CAMK2D: variants seen among roughly 807,000 people sequenced by gnomAD.
The protein encoded by CAMK2D is calcium/calmodulin-dependent protein kinase type II subunit delta.
In CAMK2D, 37 loss-of-function variants were observed where a neutral mutation model predicts 84.0. That is an observed-to-expected ratio of 0.44 (90% CI 0.34 to 0.58). CAMK2D has a LOEUF of 0.58. CAMK2D is among the 20% of genes least tolerant of loss of function. CAMK2D has a pLI of 0.02. For synonymous variants in CAMK2D, 202 were observed against 212.5 expected (o/e 0.95, Z 0.43); for missense variants, 448 against 652.5 (o/e 0.69, Z 3.41).
chr4:113,506,058 G>A (rs1400246792), intron 13 of CAMK2D, among the ~76,000 whole-genome samples: 1 of 151,758 alleles, frequency 6.6e-6, no homozygotes, highest in Non-Finnish European at 1.5e-5. Flanking sequence ...ATTTTCTAAA[G>A]GAATATACCT....
intron 10 of CAMK2D, 108 bp from the exon 11 acceptor site, chr4:113,514,021 G>A: frequency 1.9e-6 from 1 of 538,826 alleles, no homozygotes; most frequent in Non-Finnish European, 3.3e-6. Context: ...TGCACCTGCA[G>A]GATCAACTTC....
Position 113,455,818 on chromosome 4 carries a change from T to C in CAMK2D, c.1539A>G (p.Pro513=). Reference sequence around the variant, plus strand: ...TTTCTTTCCCATTTGGAATACAGGGTGGCCTATTAAGAGAAGCCCCATTTA... The same window carrying C: ...TTTCTTTCCCATTTGGAATACAGGGCGGCCTATTAAGAGAAGCCCCATTTA... The part of the protein sequence containing the change: ...RSGSPTVPIK[P]PCIPNGKENF... The change falls in exon 20 of 21, where the codon CCA becomes CCG. Residue 513 remains proline, a synonymous_variant. Transcript: ENST00000511664. 1 of 1,605,762 alleles carries C rather than the reference T, an allele frequency of 6.2e-7. No individual in the cohort carries two copies.
chr4:113,510,130 T>A lies in CAMK2D; in HGVS notation c.947-455A>T, dbSNP rs575855594. Among the ~76,000 whole-genome samples, 18 of 152,342 alleles carry A rather than the reference T, an allele frequency of 1.2e-4. No individual in the cohort carries two copies. The East Asian group carries it at 2.5e-3, about 21-fold the overall frequency. The stretch of plus-strand genomic sequence containing the variant: ...GCCCTGCTTTCCAGAGGTTGAAAAT[T>A]CATTTGTAAAATTTGCTCTGGCTAA... On this transcript the variant is annotated intron_variant, in intron 12 of 20. Transcript: ENST00000511664.
At chr4:113,704,627 G>A (rs1593288107) in intron 2 of CAMK2D, among the ~76,000 whole-genome samples, 1 of 152,210 alleles carries the variant, frequency 6.6e-6, no homozygotes, top group East Asian at 1.9e-4. Flanking sequence ...TGAGAAGGGA[G>A]AGAGTGATTG....
At chr4:113,570,176 T>A (rs2098745774) in intron 4 of CAMK2D, among the ~76,000 whole-genome samples, 1 of 152,168 alleles carries the variant, frequency 6.6e-6, no homozygotes. Flanking sequence ...GAAGAATTAA[T>A]GTTGTTTAAT....
chr4:113,542,776 C>T (rs1590967219), intron 6 of CAMK2D, among the ~76,000 whole-genome samples: 2 of 152,082 alleles, frequency 1.3e-5, no homozygotes, highest in Admixed American at 1.3e-4. Context: ...AAACTAATTC[C>T]TTTCTACTTT....
intron 3 of CAMK2D, among the ~76,000 whole-genome samples, chr4:113,657,938 A>C (rs2099209546): frequency 6.6e-6 from 1 of 152,192 alleles, no homozygotes; most frequent in Non-Finnish European, 1.5e-5. Context: ...TAAGAGTCTG[A>C]TATTACTTAG....
chr4:113,734,355 C>T (rs934275444), intron 2 of CAMK2D, among the ~76,000 whole-genome samples: 10 of 151,978 alleles, frequency 6.6e-5, no homozygotes, highest in African/African-American at 2.4e-4. Context: ...TCAGAGTGTA[C>T]AAATGGAAAG....
chr4:113,557,407 GC>G (rs1486467703), intron 4 of CAMK2D, among the ~76,000 whole-genome samples: 5 of 152,182 alleles, frequency 3.3e-5, no homozygotes, highest in Admixed American at 1.3e-4. Context: ...AGTTGTGATG[GC>G]CTTCCTCCAG....
chr4:113,638,087 C>T (rs543471149), intron 3 of CAMK2D, among the ~76,000 whole-genome samples: 76 of 152,322 alleles, frequency 5.0e-4, no homozygotes, highest in Non-Finnish European at 9.7e-4. Flanking sequence ...GATCACTCCT[C>T]TAATTTCTGA....
chr4:113,637,556 C>A (rs181503500), intron 3 of CAMK2D, among the ~76,000 whole-genome samples: 1 of 152,134 alleles, frequency 6.6e-6, no homozygotes, highest in African/African-American at 2.4e-5. Context: ...AAATTCTCAT[C>A]GAGGAAGCTA....
At chr4:113,614,531 G>T (rs769129688) in intron 3 of CAMK2D, among the ~76,000 whole-genome samples, 2 of 152,096 alleles carry the variant, frequency 1.3e-5, no homozygotes, top group Non-Finnish European at 2.9e-5. Flanking sequence ...GATCAGGTTC[G>T]ATTGGAAGAC....
At chr4:113,745,719 T>G (rs1312462394) in intron 2 of CAMK2D, among the ~76,000 whole-genome samples, 1 of 152,174 alleles carries the variant, frequency 6.6e-6, no homozygotes, top group African/African-American at 2.4e-5. Flanking sequence ...TTCTTGGAGA[T>G]AAAGCAGGAT....
intron 8 of CAMK2D, among the ~76,000 whole-genome samples, chr4:113,527,345 T>C (rs528527960): frequency 2.0e-5 from 3 of 151,934 alleles, no homozygotes; most frequent in Non-Finnish European, 4.4e-5. Context: ...CTCAAGATCC[T>C]CCTGGGTTGG....
At chr4:113,613,713 T>C (rs1406125052) in intron 3 of CAMK2D, among the ~76,000 whole-genome samples, 6 of 152,172 alleles carry the variant, frequency 3.9e-5, no homozygotes, top group Admixed American at 2.6e-4. Context: ...TCAGCTATTT[T>C]ATCTGATAGA....
chr4:113,731,755 CT>C (rs1160849869), intron 2 of CAMK2D, among the ~76,000 whole-genome samples: 1 of 151,816 alleles, frequency 6.6e-6, no homozygotes, highest in Non-Finnish European at 1.5e-5. Context: ...CCGGTTAATT[CT>C]TTGTATGTTA....
intron 4 of CAMK2D, among the ~76,000 whole-genome samples, chr4:113,583,301 A>G (rs1591536568): frequency 6.6e-6 from 1 of 152,342 alleles, no homozygotes; most frequent in Admixed American, 6.5e-5. Context: ...CATTGGATGT[A>G]TTTCATGTGG....
intron 4 of CAMK2D, among the ~76,000 whole-genome samples, chr4:113,566,854 T>G (rs11729444): frequency 0.13 from 19,710 of 152,222 alleles, 1,542 homozygotes; most frequent in Non-Finnish European, 0.18. Flanking sequence ...AATATCACCC[T>G]GTTTTCTTCA....
chr4:113,641,814 C>T (rs964168978), intron 3 of CAMK2D, among the ~76,000 whole-genome samples: 5 of 152,074 alleles, frequency 3.3e-5, no homozygotes, highest in Admixed American at 1.3e-4. Flanking sequence ...TCAAGACCAG[C>T]CTGACCAACA....
Sources: allele counts gnomAD v4.1 joint callset (sites outside exome capture counted in the v4.1 genomes callset), GRCh38; gene constraint gnomAD v4.1.1; transcripts MANE v1.5; gene names NCBI Gene and HGNC (gene_info 2026-07-23, HGNC 2026-07-21).